STAG1: variants seen among roughly 807,000 people sequenced by gnomAD.
The protein encoded by STAG1 is STAG1 cohesin complex component, also known as cohesin subunit SA-1.
STAG1 carries 26 observed loss-of-function variants against 170.9 expected under a neutral mutation model. The observed-to-expected ratio is 0.15, with a 90% CI of 0.11 to 0.21. STAG1 has a LOEUF of 0.21. STAG1 is among the 10% of genes least tolerant of loss of function. The probability of loss-of-function intolerance (pLI) is 1.00; values close to 1 mark genes in which losing one functional copy is unlikely to be tolerated. For synonymous variants in STAG1, 514 were observed against 497.7 expected (o/e 1.03, Z -0.44); for missense variants, 964 against 1,509.5 (o/e 0.64, Z 5.99).
intron 9 of STAG1, among the ~76,000 whole-genome samples, chr3:136,495,217 G>A (rs1470298648): frequency 6.6e-6 from 1 of 152,144 alleles, no homozygotes; most frequent in African/African-American, 2.4e-5. Context: ...ATTAAATGGT[G>A]CTGGGAAAAC....
chr3:136,424,379 G>T (rs142287320), intron 16 of STAG1, among the ~76,000 whole-genome samples: 1 of 149,984 alleles, frequency 6.7e-6, no homozygotes, highest in Non-Finnish European at 1.5e-5. Flanking sequence ...ACCCAGGCTG[G>T]AGTGCAATGG....
intron 14 of STAG1, among the ~76,000 whole-genome samples, chr3:136,446,400 G>C (rs1051899318): frequency 1.3e-5 from 2 of 151,526 alleles, no homozygotes; most frequent in African/African-American, 4.9e-5. Context: ...CTTTGATTTG[G>C]TTCTTTCCCT....
chr3:136,660,817 A>T (rs1189499852), intron 1 of STAG1, among the ~76,000 whole-genome samples: 3 of 152,108 alleles, frequency 2.0e-5, no homozygotes, highest in African/African-American at 7.2e-5. Context: ...AAAAAATAAA[A>T]AATTAGCCAG....
chr3:136,417,610 A>G, intron 21 of STAG1: 1 of 290,114 alleles, frequency 3.4e-6, no homozygotes, highest in Non-Finnish European at 6.4e-6. Context: ...TTGCTGCCAT[A>G]GATATTAATG....
intron 1 of STAG1, 112 bp from the exon 2 acceptor site, chr3:136,631,093 A>C (rs1940312247): frequency 3.8e-6 from 2 of 527,640 alleles, no homozygotes; most frequent in South Asian, 7.3e-5. Flanking sequence ...CATTTACCCA[A>C]ATGAGCTGAA....
At chr3:136,444,469 C>T (rs1447541452) in intron 14 of STAG1, among the ~76,000 whole-genome samples, 2 of 152,196 alleles carry the variant, frequency 1.3e-5, no homozygotes, top group Non-Finnish European at 2.9e-5. Context: ...AACTTCTCCA[C>T]CCTAATATAA....
At chr3:136,622,945 A>T (rs1422487071) in intron 3 of STAG1, among the ~76,000 whole-genome samples, 1 of 152,214 alleles carries the variant, frequency 6.6e-6, no homozygotes, top group Non-Finnish European at 1.5e-5. Context: ...AAAGAGAAGG[A>T]GGGCAACAAA....
At chr3:136,572,733 A>C (rs978047778) in intron 4 of STAG1, among the ~76,000 whole-genome samples, 10 of 152,278 alleles carry the variant, frequency 6.6e-5, no homozygotes, top group African/African-American at 2.4e-4. Flanking sequence ...AACTTCCACT[A>C]TGACAAAGGA....
At chr3:136,749,998 C>T (rs1014435660) in intron 1 of STAG1, among the ~76,000 whole-genome samples, 16 of 151,516 alleles carry the variant, frequency 1.1e-4, no homozygotes, top group African/African-American at 3.9e-4. Flanking sequence ...GAAACAAGAA[C>T]GTATCTTTCC....
intron 22 of STAG1, among the ~76,000 whole-genome samples, chr3:136,385,961 C>CA (rs1282372702): frequency 1.3e-5 from 2 of 152,220 alleles, no homozygotes; most frequent in Non-Finnish European, 2.9e-5. Flanking sequence ...CTCAGCCTCT[C>CA]AAAGCGCTGG....
At position 136,540,505 on chromosome 3, in the gene STAG1, A is replaced by T. The variant is rs1379948752; in HGVS notation, c.471+1614T>A. 3.3e-5 allele frequency among the ~76,000 whole-genome samples: 5 copies of T among 152,130 alleles called. No individual in the cohort carries two copies. In the East Asian group the frequency reaches 9.6e-4, roughly 29 times the overall value. On this transcript the variant is annotated intron_variant, in intron 6 of 33. Coordinates refer to ENST00000383202, the MANE Select transcript of STAG1 (RefSeq NM_005862.3). ...ATTCCTTCAACATACCATAATAGTT[A>T]ACAATATTTACAGGAGTATTTTAAG...
chr3:136,584,025 C>A (rs1002639028), intron 4 of STAG1, among the ~76,000 whole-genome samples: 9 of 152,230 alleles, frequency 5.9e-5, no homozygotes, highest in Admixed American at 3.3e-4. Context: ...AGCTGGAGAG[C>A]CTATACAACT....
At chr3:136,559,165 A>ATCTATCTATC (rs1334878528) in intron 5 of STAG1, among the ~76,000 whole-genome samples, 10 of 108,528 alleles carry the variant, frequency 9.2e-5, no homozygotes, top group South Asian at 3.3e-4. Context: ...ATCTATCTAT[A>ATCTATCTATC]TACGTACACA....
intron 6 of STAG1, among the ~76,000 whole-genome samples, chr3:136,538,118 CTG>C (rs1188124185): frequency 6.6e-6 from 1 of 152,146 alleles, no homozygotes; most frequent in Non-Finnish European, 1.5e-5. Flanking sequence ...TTGAAAACCA[CTG>C]TGTGATCACA....
At chr3:136,507,910 T>C (rs1933851519) in intron 7 of STAG1, among the ~76,000 whole-genome samples, 1 of 152,128 alleles carries the variant, frequency 6.6e-6, no homozygotes. Context: ...GAAAAAATGG[T>C]AGCTGTGTCT....
At chr3:136,344,028 C>T (rs1029024559) in intron 29 of STAG1, 22 bp from the exon 30 acceptor site, 2 of 1,544,842 alleles carry the variant, frequency 1.3e-6, no homozygotes, top group South Asian at 2.5e-5. Context: ...CAGTTAAGGT[C>T]ACACAATGTC....
intron 1 of STAG1, among the ~76,000 whole-genome samples, chr3:136,751,734 G>A (rs1342120037): frequency 2.6e-5 from 4 of 151,882 alleles, no homozygotes; most frequent in Admixed American, 6.5e-5. Context: ...CAGGTCGGCA[G>A]GCGGCGGAAG....
At chr3:136,422,137 A>C (rs1576450288) in intron 19 of STAG1, among the ~76,000 whole-genome samples, 1 of 148,546 alleles carries the variant, frequency 6.7e-6, no homozygotes, top group Non-Finnish European at 1.5e-5. Context: ...CTGGGTGACA[A>C]AGCAAGACTC....
At chr3:136,640,154 C>T (rs1418925774) in intron 1 of STAG1, among the ~76,000 whole-genome samples, 1 of 152,026 alleles carries the variant, frequency 6.6e-6, no homozygotes, top group Non-Finnish European at 1.5e-5. Context: ...GCTAAATGAA[C>T]GTTTTAAAAT....
Sources: allele counts gnomAD v4.1 joint callset (sites outside exome capture counted in the v4.1 genomes callset), GRCh38; gene constraint gnomAD v4.1.1; transcripts MANE v1.5; gene names NCBI Gene and HGNC (gene_info 2026-07-23, HGNC 2026-07-21).